Variants in ZFP64 observed in about 807,000 individuals in gnomAD.
ZFP64 encodes the protein ZFP64 zinc finger protein, also known as zinc finger protein 64.
Under a neutral mutation model 51.6 loss-of-function variants are expected in ZFP64, and 14 were observed. The observed-to-expected ratio is 0.27, with a 90% CI of 0.18 to 0.42. The LOEUF is 0.42. Ranked by LOEUF, ZFP64 falls within the 10% of genes least tolerant of loss-of-function variation. ZFP64 has a pLI of 1.00. For synonymous variants in ZFP64, 375 were observed against 361.4 expected, an observed-to-expected ratio of 1.04 and a Z score of -0.43; for missense variants, 754 against 906.8, an observed-to-expected ratio of 0.83 and a Z score of 2.16.
At chr20:52,188,777 C>T in intron 1 of ZFP64, among the ~76,000 whole-genome samples, 1 of 151,594 alleles carries the variant, frequency 6.6e-6, no homozygotes, top group Non-Finnish European at 1.5e-5. Flanking sequence ...GCGAGACCAT[C>T]CTGGCTAACA....
intron 1 of ZFP64, among the ~76,000 whole-genome samples, chr20:52,190,116 A>G (rs1369151399): frequency 6.6e-6 from 1 of 152,196 alleles, no homozygotes; most frequent in Non-Finnish European, 1.5e-5. Context: ...GCACTGTGAT[A>G]AGCCATCTTG....
rs747059869 is a variant in ZFP64, at chr20:52,160,474, C to T, written c.512-100G>A. 1.2e-5 allele frequency: 17 copies of T among 1,467,886 alleles called. No homozygotes were observed. Among genetic ancestry groups the T allele is most frequent in the African/African-American group, 5.6e-5 (4 of 70,926 alleles). The allele number at this position is 1,467,886 out of a possible 1,614,324, so 90.9% of individuals were successfully genotyped here. ...TACGAAAAAAGTCATATACAACCAC[C>T]GAAGAATATTCCAAAAACCCTAAAA... On this transcript the variant is annotated intron_variant, in intron 4 of 5. Transcript: ENST00000216923. This position sits in a 1 kb window ranked among gnomAD's most constrained non-coding sequence, Gnocchi z 4.2.
intron 5 of ZFP64, among the ~76,000 whole-genome samples, chr20:52,156,559 C>T (rs1724136322): frequency 6.6e-6 from 1 of 152,232 alleles, no homozygotes; most frequent in Admixed American, 6.5e-5. Context: ...CCAAGGTCAG[C>T]TGGTTTGCCC....
At chr20:52,121,391 T>TTA (rs1979183873) in intron 5 of ZFP64, among the ~76,000 whole-genome samples, 4 of 152,048 alleles carry the variant, frequency 2.6e-5, no homozygotes, top group Non-Finnish European at 4.4e-5. Context: ...ACATGAGTGA[T>TTA]AAAAAAGTGA....
Position 52,151,403 on chromosome 20 carries a change from A to T in ZFP64, c.*743T>A. 1 of 985,382 alleles carries T rather than the reference A, an allele frequency of 1.0e-6. No homozygotes were observed. The highest frequency in any genetic ancestry group is 1.2e-6 in the Non-Finnish European group (1 of 829,930). The allele number at this position is 985,382 out of a possible 1,614,324, so 61.0% of individuals were successfully genotyped here. A position where few individuals can be genotyped will look rare whatever the true frequency, so the allele number is the denominator to read the frequency against. The stretch of plus-strand genomic sequence containing the variant: ...AGAAAATGGTCCTTCATGCCAACAG[A>T]CTTACATGTATAAAACATGAACACC... On this transcript the variant is annotated 3_prime_UTR_variant, in exon 6 of 6. Coordinates refer to ENST00000216923, the MANE Select transcript of ZFP64 (RefSeq NM_018197.3).
intron 7 of ZFP64, among the ~76,000 whole-genome samples, chr20:52,095,652 C>T (rs1252390909): frequency 6.6e-6 from 1 of 152,174 alleles, no homozygotes; most frequent in Non-Finnish European, 1.5e-5. Context: ...GGCGCGTCTG[C>T]TTACCTGACT....
chr20:52,188,174 T>C (rs1020615449), intron 1 of ZFP64, among the ~76,000 whole-genome samples: 1 of 152,184 alleles, frequency 6.6e-6, no homozygotes, highest in African/African-American at 2.4e-5. Flanking sequence ...CTCTGCCCTT[T>C]ACTTCACTGA....
chr20:52,105,109 G>T, intron 5 of ZFP64: 1 of 1,400,030 alleles, frequency 7.1e-7, no homozygotes, highest in Non-Finnish European at 9.2e-7. Context: ...GCCCCCGGGC[G>T]GGGCTCCAGC....
intron 5 of ZFP64, among the ~76,000 whole-genome samples, chr20:52,100,053 G>A (rs928272175): frequency 6.6e-6 from 1 of 152,206 alleles, no homozygotes; most frequent in Non-Finnish European, 1.5e-5. Context: ...GATTGCAGTG[G>A]TGTGATCTTG....
At chr20:52,097,761 G>A (rs897214260) in intron 6 of ZFP64, among the ~76,000 whole-genome samples, 2 of 152,094 alleles carry the variant, frequency 1.3e-5, no homozygotes, top group African/African-American at 4.8e-5. Flanking sequence ...TGCCTGGCCT[G>A]AAGAATACAA....
intron 2 of ZFP64, chr20:52,175,869 C>CG: frequency 1.0e-4 from 82 of 788,554 alleles, no homozygotes; most frequent in Non-Finnish European, 1.2e-4. Context: ...CTGCCGCCCC[C>CG]GCCCCCAAAA....
intron 7 of ZFP64, among the ~76,000 whole-genome samples, chr20:52,089,227 A>G (rs925371901): frequency 2.0e-5 from 3 of 152,220 alleles, no homozygotes; most frequent in African/African-American, 4.8e-5. Context: ...AGTTTACCCA[A>G]TAAACAAATG....
At chr20:52,084,518 G>T in exon 9 of ZFP64, 2 of 1,575,584 alleles carry the variant, frequency 1.3e-6, no homozygotes. Context: ...AACAGCACTG[G>T]TCAGAAGTTC....
At chr20:52,169,217 C>T (rs769072723) in intron 2 of ZFP64, among the ~76,000 whole-genome samples, 1 of 152,184 alleles carries the variant, frequency 6.6e-6, no homozygotes, top group Non-Finnish European at 1.5e-5. Context: ...CAATAAATGT[C>T]AACAGGGATA....
chr20:52,142,613 G>A (rs1254609957), intron 5 of ZFP64, among the ~76,000 whole-genome samples: 8 of 151,588 alleles, frequency 5.3e-5, no homozygotes, highest in Non-Finnish European at 1.0e-4. Context: ...AGGCTGAGGC[G>A]GGCTGATCAC....
chr20:52,095,617 G>A (rs377711481), intron 7 of ZFP64, among the ~76,000 whole-genome samples: 78 of 152,288 alleles, frequency 5.1e-4, no homozygotes, highest in East Asian at 4.1e-3. Context: ...CCAGAGAAGT[G>A]GCCTAAGTTT....
intron 5 of ZFP64, chr20:52,110,945 G>C: frequency 6.4e-7 from 1 of 1,556,936 alleles, no homozygotes; most frequent in Non-Finnish European, 8.9e-7. Flanking sequence ...TAGCGGTACT[G>C]GGTGTTGAAC....
Position 52,171,737 on chromosome 20 carries a change from G to C in ZFP64, c.287-5712C>G, listed in dbSNP as rs1481782461. Among the ~76,000 whole-genome samples, 6 of 134,978 alleles carry C rather than the reference G, an allele frequency of 4.4e-5. No homozygotes were observed. The East Asian group carries it at 1.3e-3, about 30-fold the overall frequency. 88.6% of individuals were successfully genotyped at this position (134,978 alleles called of 152,430 possible). A position where few individuals can be genotyped will look rare whatever the true frequency, so the allele number is the denominator to read the frequency against. Reference sequence around the variant, plus strand: ...ACTTCTGACCTAAGGTGATCTGCCTGCCTCGGCCTCCCCAATTTTTTTTTT... The same window carrying C: ...ACTTCTGACCTAAGGTGATCTGCCTCCCTCGGCCTCCCCAATTTTTTTTTT... On this transcript the variant is annotated intron_variant, in intron 2 of 5. Transcript: ENST00000216923.
rs371395416 is a variant in ZFP64, at chr20:52,163,741, C to T, written c.511+954G>A. ...TCCCTGCATCTTATACACATTTATA[C>T]TTTTAAAATTTAAATCTGTACTATT... On this transcript the variant is annotated intron_variant, in intron 4 of 5. Coordinates refer to ENST00000216923, the MANE Select transcript of ZFP64 (RefSeq NM_018197.3). Among the ~76,000 whole-genome samples the T allele has an allele frequency of 1.7e-4, 26 of 152,160 alleles. 1 individual carries two copies. Among genetic ancestry groups the T allele is most frequent in the Admixed American group, 1.1e-3 (17 of 15,290 alleles).
Sources: gnomAD v4.1 joint callset for allele counts (sites outside exome capture counted in the v4.1 genomes callset) on GRCh38, gnomAD v4.1.1 for gene constraint, Gnocchi (gnomAD v3.1) non-coding constraint, MANE v1.5 for transcripts, NCBI Gene and HGNC (gene_info 2026-07-23, HGNC 2026-07-21) for gene names.